The following OTOF variants were observed in gnomAD, a reference collection of about 807,000 sequenced individuals.
The protein encoded by OTOF is fer-1-like family member 2.
In OTOF, 218 loss-of-function variants were observed where a neutral mutation model predicts 236.8. The observed-to-expected ratio is 0.92, with a 90% CI of 0.82 to 1.03. The LOEUF is 1.03. Ranked by LOEUF, OTOF falls within the 50% of genes least tolerant of loss-of-function variation. The probability of loss-of-function intolerance (pLI) is 0.00; values close to 1 mark genes in which losing one functional copy is unlikely to be tolerated. For synonymous variants in OTOF, 1,041 were observed against 1,072.5 expected (o/e 0.97, Z 0.57); for missense variants, 2,590 against 2,694.4 (o/e 0.96, Z 0.86).
At chr2:26,471,991 A>G (rs1250690011) in intron 30 of OTOF, among the ~76,000 whole-genome samples, 2 of 152,048 alleles carry the variant, frequency 1.3e-5, no homozygotes, top group Non-Finnish European at 2.9e-5. Context: ...ACATGCACAC[A>G]CATATGCACA....
At chr2:26,482,884 C>T (rs1248034033) in intron 13 of OTOF, among the ~76,000 whole-genome samples, 2 of 124,436 alleles carry the variant, frequency 1.6e-5, no homozygotes, top group South Asian at 2.8e-4. Context: ...TGAGTGGTTG[C>T]ATGTGTGCGT....
rs770753743 is a variant in OTOF at position 26,480,778 on chromosome 2, G to A, written c.1803+8C>T. ...CCCTGGGGGACAGCACAGTGCCTGG[G>A]GTCTCACCTCCGAGATGGGCGTGGC... On this transcript the variant is annotated splice_region_variant and intron_variant, in intron 15 of 46. Transcript: ENST00000272371. 19 of 1,608,080 alleles carry A rather than the reference G, an allele frequency of 1.2e-5. No individual in the cohort carries two copies. The South Asian group carries it at 2.1e-4, about 18-fold the overall frequency.
chr2:26,459,942 A>G (rs1664378604), intron 46 of OTOF, 66 bp downstream of exon 46: 1 of 1,403,026 alleles, frequency 7.1e-7, no homozygotes, highest in Admixed American at 2.0e-5. Context: ...GTGTGCGTGT[A>G]TATGTGTGTG....
At position 26,473,408 on chromosome 2, in the gene OTOF, C is replaced by G. The variant is rs1327835518; in HGVS notation, c.3568G>C (p.Val1190Leu). The change falls in exon 28 of 47, where the codon GTG becomes CTG. Residue 1190 changes from valine (V) to leucine (L), a missense_variant and splice_region_variant. Transcript: ENST00000272371. This position sits in a 1 kb window ranked among gnomAD's most constrained non-coding sequence, Gnocchi z 7.2. The stretch of plus-strand genomic sequence containing the variant: ...CCTCCGCCAGGGCCTGCACTCACCA[C>G]TTCAAACCACTTGACGAGGGTGTTG... ...NFNTLVKWFEVDLPENELLHP... is the reference protein window; with the variant it reads ...NFNTLVKWFELDLPENELLHP... The G allele has an allele frequency of 6.2e-7, 1 of 1,613,460 alleles. No individual in the cohort carries two copies. The highest frequency in any genetic ancestry group is 1.7e-5 in the Admixed American group (1 of 60,012).
chr2:26,498,337 C>G lies in OTOF; in HGVS notation c.766-3264G>C, dbSNP rs574459498. Among the ~76,000 whole-genome samples the G allele has an allele frequency of 7.2e-5, 11 of 152,270 alleles. No individual in the cohort carries two copies. The East Asian group carries it at 2.1e-3, about 29-fold the overall frequency. On this transcript the variant is annotated intron_variant, in intron 8 of 46. Transcript: ENST00000272371. ...CTCATTGCTGGTTGAAGGGCAGCCC[C>G]GAGAGGAAGCTGAGGGCGCTGGAGA... is the stretch of plus-strand genomic sequence containing the variant.
rs757147016 is a variant in OTOF at position 26,460,647 on chromosome 2, T to C, written c.5813A>G (p.Asn1938Ser). 11 of 1,612,920 alleles carry C rather than the reference T, an allele frequency of 6.8e-6. No individual in the cohort carries two copies. The Admixed American group carries it at 1.5e-4, about 22-fold the overall frequency. The part of the protein sequence containing the change: ...RNEPDPLEKP[N>S]RPDTSFIWFL... ...GGGGCTGGGCCGGCAGGGCACTCAC[T>C]TGGGTTTCTCTAGGGGGTCAGGTTC... is the stretch of plus-strand genomic sequence containing the variant. Residue 1938 changes from asparagine to serine, a missense_variant and splice_region_variant, in exon 45 of 47, where the codon AAC (asparagine) becomes AGC (serine). Asn to Ser is a conservative substitution (Grantham distance 46, BLOSUM62 1). This residue lies in a region of OTOF where 1,211 missense variants were observed against 1,352.8 expected (regional missense o/e 0.90). Transcript: ENST00000272371. The surrounding 1 kb of genome is among the most constrained non-coding windows in gnomAD (Gnocchi z 5.3).
chr2:26,472,669 G>C lies in OTOF; in HGVS notation c.3734-20C>G, dbSNP rs771959117. On this transcript the variant is annotated intron_variant, in intron 29 of 46. Transcript: ENST00000272371. ...GCCTGACTGGACAGATGGATAGATGGACAGACAGGCAGAGGAAGGAGCAAG... is the reference window on the plus strand; with the variant it reads ...GCCTGACTGGACAGATGGATAGATGCACAGACAGGCAGAGGAAGGAGCAAG... 3.7e-6 allele frequency: 6 copies of C among 1,611,676 alleles called. No homozygotes were observed. The Admixed American group carries it at 8.4e-5, about 22-fold the overall frequency.
chr2:26,558,626 G>T lies in OTOF; in HGVS notation c.-55C>A. 6.9e-7 allele frequency: 1 copy of T among 1,444,762 alleles called. No homozygotes were observed. The highest frequency in any genetic ancestry group is 1.1e-5 in the South Asian group (1 of 87,410). 89.5% of individuals were successfully genotyped at this position (1,444,762 alleles called of 1,614,324 possible). On this transcript the variant is annotated 5_prime_UTR_variant, in exon 1 of 47. Transcript: ENST00000272371. ...CAGGAGCAGCGGGAAGGAGCTAGCC[G>T]GTGGAGCACGGCTCACACGCCTCTC...
At chr2:26,472,787 G>T in intron 29 of OTOF, 138 bp from the exon 30 acceptor site, 1 of 878,636 alleles carries the variant, frequency 1.1e-6, no homozygotes, top group Non-Finnish European at 1.8e-6. Flanking sequence ...AGTCAAGGGA[G>T]AAAATATGGG....
intron 11 of OTOF, among the ~76,000 whole-genome samples, chr2:26,487,250 C>T (rs529922426): frequency 1.3e-5 from 2 of 152,162 alleles, no homozygotes; most frequent in East Asian, 1.9e-4. Flanking sequence ...CTGGAACCAA[C>T]GACTCATCAA....
Position 26,558,568 on chromosome 2 carries a change from C to T in OTOF, c.4G>A (p.Ala2Thr), listed in dbSNP as rs2148144262. Reference sequence around the variant, plus strand: ...ACTGTCTTGAGGTGGATGAGCAAGGCCATGCTGGTGTGGGCTGCCTGGCAC... The same window carrying T: ...ACTGTCTTGAGGTGGATGAGCAAGGTCATGCTGGTGTGGGCTGCCTGGCAC... M[A>T]LLIHLKTVSE... The change falls in exon 1 of 47, where the codon GCC (alanine) becomes ACC (threonine). Residue 2 changes from alanine (A) to threonine (T), a missense_variant. This residue lies in a region of OTOF where 1,379 missense variants were observed against 1,341.6 expected (regional missense o/e 1.03). Transcript: ENST00000272371. 2 of 1,613,824 alleles carry T rather than the reference C, an allele frequency of 1.2e-6. No individual in the cohort carries two copies. The highest frequency in any genetic ancestry group is 2.7e-5 in the African/African-American group (2 of 75,050).
At chr2:26,467,836 T>A (rs967574648) in intron 33 of OTOF, among the ~76,000 whole-genome samples, 1 of 152,208 alleles carries the variant, frequency 6.6e-6, no homozygotes, top group African/African-American at 2.4e-5. Context: ...TCCATAATAA[T>A]AACACTCTGT....
In OTOF at chr2:26,467,407, G is replaced by C; in HGVS notation, c.4185C>G (p.Ser1395=). Residue 1395 remains serine (S), a synonymous_variant, in exon 34 of 47, where the codon TCC becomes TCG. Transcript: ENST00000272371. The part of the protein sequence containing the change: ...KTQSSGSGQG[S]EAPEKKKPKI... Reference sequence around the variant, plus strand: ...TGGGTTTCTTCTTCTCGGGGGCCTCGGACCCCTGGCCAGAGCCAGAGCTCT... The same window carrying C: ...TGGGTTTCTTCTTCTCGGGGGCCTCCGACCCCTGGCCAGAGCCAGAGCTCT... 1 of 1,613,764 alleles carries C rather than the reference G, an allele frequency of 6.2e-7. No homozygotes were observed. Among genetic ancestry groups the C allele is most frequent in the Non-Finnish European group, 8.5e-7 (1 of 1,179,962 alleles).
Position 26,469,680 on chromosome 2 carries a change from C to T in OTOF, c.4023+913G>A, listed in dbSNP as rs1435684491. On this transcript the variant is annotated intron_variant, in intron 32 of 46. Coordinates refer to ENST00000272371, the MANE Select transcript of OTOF (RefSeq NM_194248.3). ...AAGAGGTCAGGATCTTAGTCCTTGA[C>T]ACCACTGAGCCACCATACCAGCCTA... Among the ~76,000 whole-genome samples the T allele has an allele frequency of 1.1e-4, 16 of 152,240 alleles. 1 individual carries two copies. The highest frequency in any genetic ancestry group is 1.0e-3 in the Admixed American group (16 of 15,286).
chr2:26,552,070 GT>G (rs940156951), intron 1 of OTOF, among the ~76,000 whole-genome samples: 2 of 121,830 alleles, frequency 1.6e-5, no homozygotes, highest in African/African-American at 3.1e-5. Flanking sequence ...GTATTTGAGA[GT>G]TTTTTTATAT....
At position 26,479,657 on chromosome 2, in the gene OTOF, G is replaced by C; in HGVS notation, c.1913-4C>G. 6.2e-7 allele frequency: 1 copy of C among 1,612,274 alleles called. No individual in the cohort carries two copies. Among genetic ancestry groups the C allele is most frequent in the Non-Finnish European group, 8.5e-7 (1 of 1,179,538 alleles). On this transcript the variant is annotated splice_region_variant and splice_polypyrimidine_tract_variant and intron_variant, in intron 16 of 46. Coordinates refer to ENST00000272371, the MANE Select transcript of OTOF (RefSeq NM_194248.3). ...TCAACTTCGTTCCCATAGTTGCCTGGAGCAGAATGGGCCCAGAAGGCCTAG... is the reference window on the plus strand; with the variant it reads ...TCAACTTCGTTCCCATAGTTGCCTGCAGCAGAATGGGCCCAGAAGGCCTAG...
chr2:26,485,328 A>G (rs1423339137), intron 11 of OTOF, among the ~76,000 whole-genome samples: 1 of 151,954 alleles, frequency 6.6e-6, no homozygotes, highest in African/African-American at 2.4e-5. Flanking sequence ...GCCCTCCCTG[A>G]CTTCCTCGGA....
intron 1 of OTOF, among the ~76,000 whole-genome samples, chr2:26,551,503 C>G (rs1376431150): frequency 3.3e-5 from 5 of 152,210 alleles, no homozygotes; most frequent in Non-Finnish European, 1.5e-5. Flanking sequence ...TGGCTTCCCC[C>G]CATCCTGGGC....
In OTOF at chr2:26,458,174, T is replaced by C; in HGVS notation, c.*64A>G. 1 of 1,613,128 alleles carries C rather than the reference T, an allele frequency of 6.2e-7. No individual in the cohort carries two copies. Among genetic ancestry groups the C allele is most frequent in the East Asian group, 2.2e-5 (1 of 44,856 alleles). ...TACCGGGTGCAGATGAGGTACTTGA[T>C]GGACTTGAGAGGGTTGAGGAACCAG... On this transcript the variant is annotated 3_prime_UTR_variant, in exon 47 of 47. Transcript: ENST00000272371.
Sources: gnomAD v4.1 joint callset for allele counts (sites outside exome capture counted in the v4.1 genomes callset) on GRCh38, gnomAD v4.1.1 for gene constraint, gnomAD v4.1.1 regional missense constraint, Gnocchi (gnomAD v3.1) non-coding constraint, MANE v1.5 for transcripts, NCBI Gene and HGNC (gene_info 2026-07-23, HGNC 2026-07-21) for gene names.